The following CAMKMT variants were observed in gnomAD, a reference collection of about 807,000 sequenced individuals.
The protein encoded by CAMKMT is CaM KMT.
Under a neutral mutation model 48.0 loss-of-function variants are expected in CAMKMT, and 53 were observed. The ratio of observed to expected loss-of-function variants is 1.10; its 90% CI spans 0.89 to 1.39. The LOEUF (loss-of-function observed/expected upper bound fraction) is 1.39. Ranked by LOEUF, CAMKMT falls within the 40% of genes most tolerant of loss-of-function variation. The probability of loss-of-function intolerance (pLI) is 0.00; values close to 1 mark genes in which losing one functional copy is unlikely to be tolerated. For synonymous variants in CAMKMT, 165 were observed against 152.3 expected, an observed-to-expected ratio of 1.08 and a Z score of -0.61; for missense variants, 428 against 402.7, an observed-to-expected ratio of 1.06 and a Z score of -0.54.
At chr2:44,648,201 ATTTG>A (rs1221287510) in intron 3 of CAMKMT, among the ~76,000 whole-genome samples, 1 of 152,084 alleles carries the variant, frequency 6.6e-6, no homozygotes, top group Non-Finnish European at 1.5e-5. Context: ...ATTTATGTAT[ATTTG>A]TTTATTTTTA....
chr2:44,662,150 T>C (rs1674711654), intron 3 of CAMKMT, among the ~76,000 whole-genome samples: 1 of 152,264 alleles, frequency 6.6e-6, no homozygotes, highest in South Asian at 2.1e-4. Flanking sequence ...TGTTTTACTC[T>C]TGGATCTGCA....
At chr2:44,670,668 T>A (rs928265259) in intron 3 of CAMKMT, among the ~76,000 whole-genome samples, 12 of 151,908 alleles carry the variant, frequency 7.9e-5, no homozygotes, top group Admixed American at 5.2e-4. Flanking sequence ...CTCTAAAAAA[T>A]AAATAAATAA....
intron 3 of CAMKMT, among the ~76,000 whole-genome samples, chr2:44,535,251 A>T (rs1666706153): frequency 1.3e-5 from 2 of 152,176 alleles, no homozygotes; most frequent in South Asian, 4.1e-4. Flanking sequence ...AATCAGTAAT[A>T]AAAAGTCTCC....
intron 3 of CAMKMT, among the ~76,000 whole-genome samples, chr2:44,507,234 C>T (rs914225458): frequency 2.6e-5 from 4 of 152,126 alleles, no homozygotes; most frequent in African/African-American, 9.7e-5. Context: ...TTCTACCTTG[C>T]TTCAGTAAAT....
intron 3 of CAMKMT, among the ~76,000 whole-genome samples, chr2:44,643,609 C>G (rs1360056166): frequency 1.3e-5 from 2 of 152,074 alleles, no homozygotes; most frequent in African/African-American, 4.8e-5. Flanking sequence ...TTACTTATTA[C>G]TTGCTGGGAA....
chr2:44,372,517 C>G (rs1374813287), intron 1 of CAMKMT, among the ~76,000 whole-genome samples, 199 bp from the exon 2 acceptor site: 1 of 150,868 alleles, frequency 6.6e-6, no homozygotes, highest in Non-Finnish European at 1.5e-5. Flanking sequence ...TGTCTTTGCT[C>G]TCTGATGTCT....
chr2:44,527,879 T>C (rs72881114), intron 3 of CAMKMT, among the ~76,000 whole-genome samples: 3,131 of 150,740 alleles, frequency 0.021, 89 homozygotes, highest in African/African-American at 0.066. Flanking sequence ...GTCTATAGTT[T>C]ACATTAGGGA....
chr2:44,587,337 A>C (rs917719006), intron 3 of CAMKMT, among the ~76,000 whole-genome samples: 5 of 152,202 alleles, frequency 3.3e-5, no homozygotes, highest in African/African-American at 1.2e-4. Flanking sequence ...CAATTTTCAA[A>C]GTACAGGTTT....
intron 3 of CAMKMT, among the ~76,000 whole-genome samples, chr2:44,416,823 C>T (rs1683589537): frequency 6.6e-6 from 1 of 152,076 alleles, no homozygotes; most frequent in African/African-American, 2.4e-5. Context: ...GATCCACCCG[C>T]CTCAGCCTCC....
chr2:44,747,171 G>A (rs562343055), intron 8 of CAMKMT, among the ~76,000 whole-genome samples: 53 of 152,222 alleles, frequency 3.5e-4, no homozygotes, highest in Non-Finnish European at 5.3e-4. Flanking sequence ...AACCCACCCC[G>A]ATTGCTCTCT....
At chr2:44,668,259 G>A (rs189608485) in intron 3 of CAMKMT, among the ~76,000 whole-genome samples, 25 of 152,294 alleles carry the variant, frequency 1.6e-4, no homozygotes, top group African/African-American at 5.8e-4. Context: ...ACCTGTGTCT[G>A]TGTCGTGTCT....
At chr2:44,572,788 G>C (rs1424977363) in intron 3 of CAMKMT, among the ~76,000 whole-genome samples, 1 of 152,096 alleles carries the variant, frequency 6.6e-6, no homozygotes, top group Non-Finnish European at 1.5e-5. Context: ...AATTTTTTGG[G>C]GTCTATCTCT....
At chr2:44,411,325 C>T (rs1303976109) in intron 3 of CAMKMT, among the ~76,000 whole-genome samples, 1 of 151,790 alleles carries the variant, frequency 6.6e-6, no homozygotes, top group Non-Finnish European at 1.5e-5. Context: ...ACTGGGGATA[C>T]AAAGGTGAAA....
At chr2:44,740,671 C>G (rs1008883230) in intron 7 of CAMKMT, among the ~76,000 whole-genome samples, 2 of 152,194 alleles carry the variant, frequency 1.3e-5, no homozygotes, top group Admixed American at 1.3e-4. Flanking sequence ...TGTGCTGTCT[C>G]TAGCCACATT....
intron 3 of CAMKMT, among the ~76,000 whole-genome samples, chr2:44,610,916 G>A (rs954989320): frequency 6.6e-6 from 1 of 152,120 alleles, no homozygotes; most frequent in Admixed American, 6.5e-5. Context: ...CAAGTCATGA[G>A]AATGGAAGGG....
intron 3 of CAMKMT, among the ~76,000 whole-genome samples, chr2:44,629,077 A>T (rs1672659747): frequency 6.6e-6 from 1 of 152,154 alleles, no homozygotes; most frequent in Admixed American, 6.5e-5. Context: ...TACTCATTTT[A>T]TGTCTACTTG....
chr2:44,475,453 G>T (rs1381594039), intron 3 of CAMKMT, among the ~76,000 whole-genome samples: 1 of 152,044 alleles, frequency 6.6e-6, no homozygotes, highest in African/African-American at 2.4e-5. Flanking sequence ...GAGTAGCTAG[G>T]ATTACAGGTG....
intron 3 of CAMKMT, among the ~76,000 whole-genome samples, chr2:44,501,753 C>T (rs1054126002): frequency 5.9e-5 from 9 of 152,056 alleles, no homozygotes; most frequent in East Asian, 1.9e-4. Flanking sequence ...CATGGTGGCT[C>T]GTGCTTGTAG....
intron 3 of CAMKMT, among the ~76,000 whole-genome samples, chr2:44,615,402 G>A (rs1397116028): frequency 1.3e-5 from 2 of 152,168 alleles, no homozygotes; most frequent in African/African-American, 4.8e-5. Flanking sequence ...TTACGGCTAT[G>A]GCCAGGGGAA....
Sources: allele counts gnomAD v4.1 joint callset (sites outside exome capture counted in the v4.1 genomes callset), GRCh38; gene constraint gnomAD v4.1.1; transcripts MANE v1.5; gene names NCBI Gene and HGNC (gene_info 2026-07-23, HGNC 2026-07-21).